The following MAN1A1 variants were observed in gnomAD, a reference collection of about 807,000 sequenced individuals.
MAN1A1 encodes the protein mannosidase alpha class 1A member 1.
A neutral mutation model predicts 70.8 loss-of-function variants in MAN1A1; 29 were observed. The ratio of observed to expected loss-of-function variants is 0.41; its 90% CI spans 0.31 to 0.56. The LOEUF (loss-of-function observed/expected upper bound fraction) is 0.56. Among genes scored for constraint, MAN1A1 ranks in the 20% least tolerant of loss-of-function variants. MAN1A1 has a pLI of 0.29. For missense variants in MAN1A1, 747 were observed against 841.3 expected (o/e 0.89, Z 1.39); for synonymous variants, 349 against 330.1 (o/e 1.06, Z -0.62).
intron 9 of MAN1A1, 120 bp downstream of exon 9, chr6:119,193,653 TCTAC>T (rs1475291232): frequency 2.6e-5 from 15 of 572,672 alleles, no homozygotes; most frequent in African/African-American, 2.5e-4. Flanking sequence ...GATATCGAAC[TCTAC>T]CTAATTGGAA....
At chr6:119,297,587 C>T (rs1194348696) in intron 4 of MAN1A1, among the ~76,000 whole-genome samples, 1 of 151,966 alleles carries the variant, frequency 6.6e-6, no homozygotes, top group Non-Finnish European at 1.5e-5. Flanking sequence ...TTGGGACAGC[C>T]TAATTAACCA....
intron 6 of MAN1A1, among the ~76,000 whole-genome samples, chr6:119,246,575 T>C (rs1405186045): frequency 1.3e-5 from 2 of 152,164 alleles, no homozygotes; most frequent in Non-Finnish European, 2.9e-5. Context: ...TTCAGGTCTT[T>C]TGATAACCAA....
chr6:119,238,263 C>T (rs985483754), intron 6 of MAN1A1, among the ~76,000 whole-genome samples: 5 of 152,222 alleles, frequency 3.3e-5, no homozygotes, highest in African/African-American at 1.2e-4. Flanking sequence ...GATGAGAGAA[C>T]ACATAAGAAC....
At chr6:119,271,944 C>T (rs906946901) in intron 5 of MAN1A1, among the ~76,000 whole-genome samples, 1 of 152,120 alleles carries the variant, frequency 6.6e-6, no homozygotes, top group Non-Finnish European at 1.5e-5. Context: ...ACCTCGTATC[C>T]TATTACTGGA....
intron 6 of MAN1A1, among the ~76,000 whole-genome samples, chr6:119,225,958 T>C (rs1052062739): frequency 2.6e-5 from 4 of 152,176 alleles, no homozygotes; most frequent in African/African-American, 7.2e-5. Flanking sequence ...ACTAAAGGCA[T>C]TGAAAATGGC....
chr6:119,200,613 G>T (rs1316722944), intron 8 of MAN1A1, among the ~76,000 whole-genome samples: 1 of 152,110 alleles, frequency 6.6e-6, no homozygotes, highest in Admixed American at 6.5e-5. Flanking sequence ...TTCCAAATCA[G>T]CTTGAGAACA....
chr6:119,268,943 A>G (rs762840505), intron 5 of MAN1A1, among the ~76,000 whole-genome samples: 5 of 152,098 alleles, frequency 3.3e-5, no homozygotes, highest in African/African-American at 4.8e-5. Context: ...CGCCTGAACA[A>G]TTCTTAGAGT....
rs1345464536 is a variant in MAN1A1, at chr6:119,177,219, G to T, written c.*2600C>A. The T allele has an allele frequency of 6.6e-6, 1 of 151,972 alleles. No individual in the cohort carries two copies. The highest frequency in any genetic ancestry group is 1.5e-5 in the Non-Finnish European group (1 of 67,926). 9.4% of individuals were successfully genotyped at this position (151,972 alleles called of 1,614,324 possible). On this transcript the variant is annotated 3_prime_UTR_variant, in exon 13 of 13. Coordinates refer to ENST00000368468, the MANE Select transcript of MAN1A1 (RefSeq NM_005907.4). ...TAACAAATGAGGAGATATATTAAAA[G>T]ACTTTATTCACAATAGAGAAATTTT...
At chr6:119,246,825 C>T (rs1159086986) in intron 6 of MAN1A1, among the ~76,000 whole-genome samples, 2 of 152,086 alleles carry the variant, frequency 1.3e-5, no homozygotes, top group East Asian at 3.9e-4. Context: ...AAGCTCAGAG[C>T]CACCCCTGCA....
chr6:119,231,727 A>G (rs1258340696), intron 6 of MAN1A1, among the ~76,000 whole-genome samples: 1 of 152,156 alleles, frequency 6.6e-6, no homozygotes, highest in Non-Finnish European at 1.5e-5. Flanking sequence ...GCTCTCACTG[A>G]ATATAGTTTC....
chr6:119,277,914 G>A (rs1776115650), intron 5 of MAN1A1, among the ~76,000 whole-genome samples: 1 of 120,304 alleles, frequency 8.3e-6, no homozygotes, highest in Non-Finnish European at 1.6e-5. Context: ...TCCAGCCTGG[G>A]CGACAGAGCA....
rs1773066666 is a variant in MAN1A1 at position 119,178,636 on chromosome 6, T to C, written c.*1183A>G. ...GGGATGGGGAGTGGCCATTTCTTTA[T>C]ATTTCTTCTAAGTTGTGATCTCTGT... On this transcript the variant is annotated 3_prime_UTR_variant, in exon 13 of 13. Coordinates refer to ENST00000368468, the MANE Select transcript of MAN1A1 (RefSeq NM_005907.4). The C allele has an allele frequency of 6.6e-6, 1 of 152,158 alleles. No individual in the cohort carries two copies. The allele number at this position is 152,158 out of a possible 1,614,324, so 9.4% of individuals were successfully genotyped here.
At chr6:119,341,823 T>A (rs1773600535) in intron 2 of MAN1A1, among the ~76,000 whole-genome samples, 1 of 152,186 alleles carries the variant, frequency 6.6e-6, no homozygotes, top group African/African-American at 2.4e-5. Context: ...ATACTTAAGA[T>A]AGATAACTCA....
rs1422807591 is a variant in MAN1A1 at position 119,348,469 on chromosome 6, G to T, written c.597C>A (p.Ile199=). ...TCTGGCGCGGCCCACTCACCTCTTTGATCTTTGCCCTTTTCTCGCGGATGG... is the reference window on the plus strand; with the variant it reads ...TCTGGCGCGGCCCACTCACCTCTTTTATCTTTGCCCTTTTCTCGCGGATGG... ...DAAIREKRAK[I]KEMMKHAWNN... Residue 199 remains isoleucine (I), a synonymous_variant, in exon 2 of 13, where the codon ATC becomes ATA. Transcript: ENST00000368468. The T allele has an allele frequency of 1.7e-5, 28 of 1,602,072 alleles. No individual in the cohort carries two copies. The highest frequency in any genetic ancestry group is 2.3e-5 in the Non-Finnish European group (27 of 1,173,940).
chr6:119,181,451 GTTT>G (rs35283286), intron 11 of MAN1A1, among the ~76,000 whole-genome samples: 2 of 147,018 alleles, frequency 1.4e-5, no homozygotes, highest in Non-Finnish European at 1.5e-5. Flanking sequence ...TAAAATACAT[GTTT>G]TTTTTTTTTT....
chr6:119,303,987 T>C (rs1224526989), intron 3 of MAN1A1, among the ~76,000 whole-genome samples: 1 of 152,218 alleles, frequency 6.6e-6, no homozygotes, highest in Non-Finnish European at 1.5e-5. Context: ...CAGCCGATCC[T>C]GCACTCAGGA....
chr6:119,319,153 C>T (rs181396856), intron 2 of MAN1A1, among the ~76,000 whole-genome samples: 6 of 152,076 alleles, frequency 3.9e-5, no homozygotes, highest in African/African-American at 1.4e-4. Flanking sequence ...ATATGTGATA[C>T]AGTACCATCT....
chr6:119,236,099 C>A (rs1005193627), intron 6 of MAN1A1, among the ~76,000 whole-genome samples: 2 of 144,732 alleles, frequency 1.4e-5, no homozygotes, highest in African/African-American at 5.2e-5. Context: ...TGTACCACTG[C>A]ACTCCAGCCT....
intron 3 of MAN1A1, among the ~76,000 whole-genome samples, chr6:119,304,945 A>ATTTAGAAGAT (rs3839398): frequency 1.3e-5 from 2 of 151,638 alleles, no homozygotes; most frequent in Non-Finnish European, 2.9e-5. Flanking sequence ...TAAAGAAATC[A>ATTTAGAAGAT]TTTCTCATCC....
Sources: allele counts gnomAD v4.1 joint callset (sites outside exome capture counted in the v4.1 genomes callset), GRCh38; gene constraint gnomAD v4.1.1; transcripts MANE v1.5; gene names NCBI Gene and HGNC (gene_info 2026-07-23, HGNC 2026-07-21).